GLIS3: variants seen among roughly 807,000 people sequenced by gnomAD.
GLIS3 encodes GLIS family zinc finger 3.
A neutral mutation model predicts 78.6 loss-of-function variants in GLIS3; 53 were observed. The ratio of observed to expected loss-of-function variants is 0.67; its 90% CI spans 0.54 to 0.85. The LOEUF (loss-of-function observed/expected upper bound fraction) is 0.85, where lower values mean the gene tolerates loss of function less well. GLIS3 is among the 40% of genes least tolerant of loss of function. GLIS3 has a pLI of 0.00. For missense variants in GLIS3, 1,703 were observed against 1,231.1 expected (o/e 1.38, Z -5.74); for synonymous variants, 684 against 509.9 (o/e 1.34, Z -4.60).
intron 2 of GLIS3, among the ~76,000 whole-genome samples, chr9:4,278,777 T>C (rs1201993437): frequency 6.6e-6 from 1 of 152,196 alleles, no homozygotes; most frequent in African/African-American, 2.4e-5. Flanking sequence ...AAAGAGAAAG[T>C]GTCCTTCACA....
Position 4,052,405 on chromosome 9 carries a change from G to C in GLIS3, c.1710+65363C>G, listed in dbSNP as rs1825807580. Among the ~76,000 whole-genome samples, 5 of 151,934 alleles carry C rather than the reference G, an allele frequency of 3.3e-5. No homozygotes were observed. The South Asian group carries it at 8.3e-4, about 25-fold the overall frequency. Reference sequence around the variant, plus strand: ...CATGATATTAAATGCATTCATAATGGTGTACAACTATCACCACCATCTAGT... The same window carrying C: ...CATGATATTAAATGCATTCATAATGCTGTACAACTATCACCACCATCTAGT... On this transcript the variant is annotated intron_variant, in intron 4 of 10. Transcript: ENST00000381971.
intron 4 of GLIS3, among the ~76,000 whole-genome samples, chr9:4,074,087 C>A (rs954319790): frequency 6.6e-6 from 1 of 152,204 alleles, no homozygotes; most frequent in Admixed American, 6.5e-5. Context: ...TCTCCAGCTC[C>A]CTTCCGCCGG....
At chr9:4,426,366 A>C in the GLIS3 span, among the ~76,000 whole-genome samples, 5,603 of 151,730 alleles carry the variant, frequency 0.037, 174 homozygotes, top group Admixed American at 0.097. Flanking sequence ...GTCCCAACCA[A>C]CTCTTCTTTC....
chr9:3,951,417 A>C (rs1816668835), intron 4 of GLIS3, among the ~76,000 whole-genome samples: 1 of 151,992 alleles, frequency 6.6e-6, no homozygotes, highest in Non-Finnish European at 1.5e-5. Context: ...AAAGCAAGGC[A>C]TCCATGAGCT....
At chr9:4,182,123 T>C (rs1186525351) in intron 2 of GLIS3, among the ~76,000 whole-genome samples, 3 of 152,244 alleles carry the variant, frequency 2.0e-5, no homozygotes, top group Non-Finnish European at 2.9e-5. Context: ...AATAAAATGG[T>C]TCCTATAAGG....
chr9:3,887,178 TAAGA>T (rs1822137312), intron 7 of GLIS3, among the ~76,000 whole-genome samples: 1 of 152,168 alleles, frequency 6.6e-6, no homozygotes, highest in South Asian at 2.1e-4. Context: ...GCAGCCCTGA[TAAGA>T]GGATAATGAA....
chr9:4,193,709 G>A (rs1409020985), intron 2 of GLIS3, among the ~76,000 whole-genome samples: 2 of 152,246 alleles, frequency 1.3e-5, no homozygotes, highest in Admixed American at 6.5e-5. Flanking sequence ...TGAGCTGGAG[G>A]GAGGCTGGGA....
In GLIS3 at chr9:4,332,508, G is replaced by A. The variant is rs149030615; in HGVS notation, n.264+14573C>T. Among the ~76,000 whole-genome samples the A allele has an allele frequency of 6.4e-3, 977 of 152,228 alleles. 4 individuals carry two copies. Among genetic ancestry groups the A allele is most frequent in the Middle Eastern group, 0.014 (4 of 294 alleles). ...ACTTACTTTTGTCTTCCTCTCTCCC[G>A]TCTTGCTGGCTGAAACAGTGACAGC... On this transcript the variant is annotated intron_variant and non_coding_transcript_variant, in intron 2 of 4. Transcript: ENST00000471664.
intron 2 of GLIS3, among the ~76,000 whole-genome samples, chr9:4,134,269 C>T (rs1407578025): frequency 6.6e-6 from 1 of 152,130 alleles, no homozygotes; most frequent in Non-Finnish European, 1.5e-5. Flanking sequence ...CAAAGTTTCC[C>T]ATTATTTTTA....
chr9:4,247,260 G>C (rs541412507), intron 2 of GLIS3, among the ~76,000 whole-genome samples: 1 of 152,138 alleles, frequency 6.6e-6, no homozygotes, highest in Non-Finnish European at 1.5e-5. Context: ...GTTGTTTTAA[G>C]GGGATATAGC....
chr9:4,247,861 A>G (rs1030214818), intron 2 of GLIS3, among the ~76,000 whole-genome samples: 3 of 152,196 alleles, frequency 2.0e-5, no homozygotes, highest in Non-Finnish European at 4.4e-5. Context: ...CAAGCTAATT[A>G]GCATATCCAT....
At chr9:3,888,160 C>G (rs1211189468) in intron 7 of GLIS3, among the ~76,000 whole-genome samples, 1 of 152,066 alleles carries the variant, frequency 6.6e-6, no homozygotes, top group Non-Finnish European at 1.5e-5. Flanking sequence ...GTAGACGTGG[C>G]CAATCACTCC....
chr9:4,446,398 G>T, the GLIS3 span, among the ~76,000 whole-genome samples: 99 of 152,096 alleles, frequency 6.5e-4, 1 homozygote, highest in South Asian at 3.1e-3. Context: ...GGACTTCCCA[G>T]TCTCCAGAAA....
chr9:4,066,064 G>A (rs1482278462), intron 4 of GLIS3, among the ~76,000 whole-genome samples: 15 of 145,654 alleles, frequency 1.0e-4, no homozygotes, highest in African/African-American at 2.0e-4. Context: ...AGAAACAGGC[G>A]AAACTTAAAT....
chr9:4,421,238 C>T, the GLIS3 span, among the ~76,000 whole-genome samples: 1 of 152,202 alleles, frequency 6.6e-6, no homozygotes, highest in East Asian at 1.9e-4. Flanking sequence ...AGTGAGCCTG[C>T]TATCCCACAG....
chr9:3,846,490 C>T (rs1027385837), intron 9 of GLIS3, among the ~76,000 whole-genome samples: 11 of 152,172 alleles, frequency 7.2e-5, no homozygotes, highest in South Asian at 2.1e-4. Context: ...GTAGTCCAGG[C>T]ATTCTCTCAT....
intron 2 of GLIS3, among the ~76,000 whole-genome samples, chr9:4,155,735 T>G (rs58556036): frequency 0.21 from 32,320 of 152,016 alleles, 4,060 homozygotes; most frequent in African/African-American, 0.35. Context: ...GCATCAGAAT[T>G]TCACGGACGG....
chr9:4,403,631 T>C, the GLIS3 span, among the ~76,000 whole-genome samples: 2 of 152,182 alleles, frequency 1.3e-5, no homozygotes, highest in African/African-American at 2.4e-5. Flanking sequence ...TGTTTGGATA[T>C]ACAGTGTTAA....
At chr9:4,272,483 G>A (rs1037123437) in intron 2 of GLIS3, among the ~76,000 whole-genome samples, 6 of 152,138 alleles carry the variant, frequency 3.9e-5, no homozygotes, top group Non-Finnish European at 7.3e-5. Flanking sequence ...CTCCTGCCGG[G>A]TGTGCTTGGG....
Sources: gnomAD v4.1 joint callset for allele counts (sites outside exome capture counted in the v4.1 genomes callset) on GRCh38, gnomAD v4.1.1 for gene constraint, MANE v1.5 for transcripts, NCBI Gene and HGNC (gene_info 2026-07-23, HGNC 2026-07-21) for gene names.